Variants in XRN2 observed in about 807,000 individuals in gnomAD.
XRN2 encodes the protein 5'-3' exoribonuclease 2, also known as DHM1-like protein.
In XRN2, 44 loss-of-function variants were observed where a neutral mutation model predicts 138.5. The observed-to-expected ratio is 0.32, with a 90% confidence interval of 0.25 to 0.41. The LOEUF is 0.41. Ranked by LOEUF, XRN2 falls within the 10% of genes least tolerant of loss-of-function variation. The pLI is 1.00. For synonymous variants in XRN2, 354 were observed against 369.4 expected (o/e 0.96, Z 0.48); for missense variants, 937 against 1,169.3 (o/e 0.80, Z 2.90).
At chr20:21,357,369 G>C (rs2038588195) in intron 23 of XRN2, among the ~76,000 whole-genome samples, 1 of 152,140 alleles carries the variant, frequency 6.6e-6, no homozygotes, top group African/African-American at 2.4e-5. Context: ...GGTTTGTCAA[G>C]GTGGTTACAC....
intron 13 of XRN2, among the ~76,000 whole-genome samples, chr20:21,334,906 A>G (rs527395038): frequency 6.6e-6 from 1 of 152,114 alleles, no homozygotes; most frequent in South Asian, 2.1e-4. Flanking sequence ...TTGAATGTGT[A>G]TAAAGCTCAG....
chr20:21,353,622 C>T (rs1363284200), intron 20 of XRN2, among the ~76,000 whole-genome samples: 1 of 151,802 alleles, frequency 6.6e-6, no homozygotes, highest in Non-Finnish European at 1.5e-5. Context: ...GAGACCTCAT[C>T]TCTACAAAAA....
intron 26 of XRN2, among the ~76,000 whole-genome samples, chr20:21,367,941 A>G (rs2038721446): frequency 6.6e-6 from 1 of 152,190 alleles, no homozygotes; most frequent in Non-Finnish European, 1.5e-5. Context: ...TATATGCCCA[A>G]ATATTTATAT....
At chr20:21,335,801 T>C (rs1395195597) in intron 13 of XRN2, among the ~76,000 whole-genome samples, 1 of 152,150 alleles carries the variant, frequency 6.6e-6, no homozygotes, top group African/African-American at 2.4e-5. Flanking sequence ...GGAGGAAGTA[T>C]GGGATTTGGT....
chr20:21,352,407 A>T (rs1027596968), intron 20 of XRN2, among the ~76,000 whole-genome samples: 2 of 151,920 alleles, frequency 1.3e-5, no homozygotes, highest in Non-Finnish European at 2.9e-5. Context: ...GGCTCACTGT[A>T]ACCTCCGTCT....
At chr20:21,340,672 C>G in intron 14 of XRN2, 49 bp from the exon 15 acceptor site, 1 of 1,589,880 alleles carries the variant, frequency 6.3e-7, no homozygotes, top group Non-Finnish European at 8.6e-7. Context: ...TGTCATCTAA[C>G]TGTGTTGTGA....
intron 15 of XRN2, among the ~76,000 whole-genome samples, chr20:21,343,659 A>G (rs1028721223): frequency 1.3e-5 from 2 of 151,332 alleles, no homozygotes; most frequent in African/African-American, 4.8e-5. Flanking sequence ...TATATATCAC[A>G]TAATTTTTTC....
intron 15 of XRN2, among the ~76,000 whole-genome samples, chr20:21,342,564 A>C (rs1432004969): frequency 6.6e-6 from 1 of 152,234 alleles, no homozygotes; most frequent in Non-Finnish European, 1.5e-5. Context: ...TTTTTACACA[A>C]CTTCTCTGTA....
intron 20 of XRN2, among the ~76,000 whole-genome samples, chr20:21,351,671 T>C (rs2038511909): frequency 6.6e-6 from 1 of 152,206 alleles, no homozygotes; most frequent in Non-Finnish European, 1.5e-5. Flanking sequence ...AAATCCGACA[T>C]CATGAATCTT....
At chr20:21,365,878 ATAT>A (rs1389370514) in intron 26 of XRN2, among the ~76,000 whole-genome samples, 174 bp downstream of exon 26, 58 of 84,330 alleles carry the variant, frequency 6.9e-4, no homozygotes, top group Non-Finnish European at 1.1e-3. Context: ...ATTATATATA[ATAT>A]TATATAATAT....
chr20:21,313,681 C>G (rs986311118), intron 1 of XRN2, among the ~76,000 whole-genome samples: 23 of 152,334 alleles, frequency 1.5e-4, no homozygotes, highest in Non-Finnish European at 8.8e-5. Context: ...GAGTCTAACT[C>G]TTGGTAATAC....
chr20:21,356,623 A>C lies in XRN2; in HGVS notation c.2156A>C (p.Gln719Pro). The C allele has an allele frequency of 6.2e-7, 1 of 1,613,720 alleles. No homozygotes were observed. Among genetic ancestry groups the C allele is most frequent in the Non-Finnish European group, 8.5e-7 (1 of 1,179,714 alleles). ...EVPPELCHGI[Q>P]GKFSLDEEAI... is the part of the protein sequence containing the mutation. ...CCCCCTGAACTATGTCATGGGATTC[A>C]AGGAAAGTTTTCTTTGGATGAAGAA... The change falls in exon 23 of 30, where the codon CAA becomes CCA. Residue 719 changes from glutamine (Q) to proline (P), a missense_variant. Gln to Pro is a moderately conservative substitution (Grantham distance 76). Around this residue, in one of 6 missense-constraint regions of XRN2, gnomAD observed 372 missense variants for 414.4 expected, o/e 0.90. Transcript: ENST00000377191.
chr20:21,338,650 A>G (rs1293574617), intron 13 of XRN2, among the ~76,000 whole-genome samples: 1 of 152,314 alleles, frequency 6.6e-6, no homozygotes, highest in South Asian at 2.1e-4. Context: ...GTTATTAACT[A>G]CCTTCAACTA....
chr20:21,332,924 T>C (rs1197341662), intron 9 of XRN2, among the ~76,000 whole-genome samples: 1 of 152,212 alleles, frequency 6.6e-6, no homozygotes, highest in Non-Finnish European at 1.5e-5. Flanking sequence ...ACTCCCACTT[T>C]TTATGTATTT....
chr20:21,303,389 G>C lies in XRN2; in HGVS notation c.-10G>C. 6.5e-7 allele frequency: 1 copy of C among 1,547,098 alleles called. No homozygotes were observed. Among genetic ancestry groups the C allele is most frequent in the Non-Finnish European group, 8.7e-7 (1 of 1,145,568 alleles). On this transcript the variant is annotated 5_prime_UTR_variant, in exon 1 of 30. Coordinates refer to ENST00000377191, the MANE Select transcript of XRN2 (RefSeq NM_012255.5). Reference sequence around the variant, plus strand: ...AGCCGGTCGGCCGCCGCCTCCAGCCGTGTGCCGCTATGGGAGTCCCGGCGT... The same window carrying C: ...AGCCGGTCGGCCGCCGCCTCCAGCCCTGTGCCGCTATGGGAGTCCCGGCGT...
intron 27 of XRN2, among the ~76,000 whole-genome samples, chr20:21,378,659 A>G (rs1208036514): frequency 1.3e-5 from 2 of 152,252 alleles, no homozygotes; most frequent in South Asian, 2.1e-4. Flanking sequence ...CTTTCCTTTT[A>G]TAGAATTTTG....
At position 21,303,388 on chromosome 20, in the gene XRN2, C is replaced by G. The variant is rs929874468; in HGVS notation, c.-11C>G. On this transcript the variant is annotated 5_prime_UTR_variant, in exon 1 of 30. Transcript: ENST00000377191. ...CAGCCGGTCGGCCGCCGCCTCCAGC[C>G]GTGTGCCGCTATGGGAGTCCCGGCG... 1.3e-6 allele frequency: 2 copies of G among 1,547,226 alleles called. No individual in the cohort carries two copies. Among genetic ancestry groups the G allele is most frequent in the Non-Finnish European group, 8.7e-7 (1 of 1,145,596 alleles).
chr20:21,349,742 CATAAATAA>C (rs1159100842), intron 20 of XRN2, among the ~76,000 whole-genome samples: 1 of 151,806 alleles, frequency 6.6e-6, no homozygotes, highest in Non-Finnish European at 1.5e-5. Flanking sequence ...GGCCCTGTCT[CATAAATAA>C]ATAAATGAAT....
chr20:21,326,462 A>C (rs370308584), intron 2 of XRN2, 28 bp from the exon 3 acceptor site: 2 of 1,613,826 alleles, frequency 1.2e-6, no homozygotes, highest in South Asian at 2.2e-5. Flanking sequence ...ACATTATATT[A>C]TATTACATTG....
Sources: gnomAD v4.1 joint callset for allele counts (sites outside exome capture counted in the v4.1 genomes callset) on GRCh38, gnomAD v4.1.1 for gene constraint, gnomAD v4.1.1 regional missense constraint, MANE v1.5 for transcripts, NCBI Gene and HGNC (gene_info 2026-07-23, HGNC 2026-07-21) for gene names.